The following DPYSL3 variants were observed in gnomAD, a reference collection of about 807,000 sequenced individuals.
The protein encoded by DPYSL3 is dihydropyrimidinase like 3.
In DPYSL3, 16 loss-of-function variants were observed where a neutral mutation model predicts 66.1. That is an observed-to-expected ratio of 0.24 (90% CI 0.16 to 0.37). The LOEUF is 0.37. Ranked by LOEUF, DPYSL3 falls within the 10% of genes least tolerant of loss-of-function variation. DPYSL3 has a pLI of 1.00. For missense variants in DPYSL3, 738 were observed against 916.2 expected (o/e 0.81, Z 2.51); for synonymous variants, 338 against 345.1 (o/e 0.98, Z 0.23).
chr5:147,453,847 GTTT>G, intron 1 of DPYSL3: 1 of 733,780 alleles, frequency 1.4e-6, no homozygotes, highest in Non-Finnish European at 1.8e-6. Context: ...CCCGGGTTTT[GTTT>G]TTTTTTTTCT....
intron 1 of DPYSL3, among the ~76,000 whole-genome samples, chr5:147,457,895 G>T (rs140986223): frequency 1.4e-4 from 22 of 152,270 alleles, no homozygotes; most frequent in African/African-American, 5.1e-4. Flanking sequence ...CCAGTAGCTG[G>T]GTATATTTCC....
intron 9 of DPYSL3, 143 bp from the exon 10 acceptor site, chr5:147,400,976 A>G: frequency 1.8e-6 from 2 of 1,116,620 alleles, no homozygotes; most frequent in Non-Finnish European, 2.4e-6. Flanking sequence ...TAGATATATG[A>G]GCTTGGATGA....
intron 1 of DPYSL3, among the ~76,000 whole-genome samples, chr5:147,427,425 GGTT>G: frequency 6.6e-6 from 1 of 152,312 alleles, no homozygotes; most frequent in South Asian, 2.1e-4. Context: ...GGACACAGGA[GGTT>G]GTATTATATC....
chr5:147,437,970 T>C (rs938423391), intron 1 of DPYSL3, among the ~76,000 whole-genome samples: 2 of 152,194 alleles, frequency 1.3e-5, no homozygotes, highest in Non-Finnish European at 1.5e-5. Flanking sequence ...CCCTGAAAAG[T>C]AACTTGACTT....
chr5:147,473,504 A>G lies in DPYSL3; in HGVS notation c.381+35974T>C, dbSNP rs1483697756. On this transcript the variant is annotated intron_variant, in intron 1 of 13. Coordinates refer to ENST00000343218, the MANE Select transcript of DPYSL3 (RefSeq NM_001197294.2). Reference sequence around the variant, plus strand: ...TTGAAGAAGAAAGAGAAAGAATATAAAGATTAATCCACAGGTGAATAAACT... The same window carrying G: ...TTGAAGAAGAAAGAGAAAGAATATAGAGATTAATCCACAGGTGAATAAACT... Among the ~76,000 whole-genome samples, 4 of 152,196 alleles carry G rather than the reference A, an allele frequency of 2.6e-5. No homozygotes were observed. The South Asian group carries it at 8.3e-4, about 31-fold the overall frequency.
intron 1 of DPYSL3, among the ~76,000 whole-genome samples, chr5:147,433,242 A>C (rs1181550656): frequency 2.0e-5 from 3 of 152,188 alleles, no homozygotes; most frequent in Non-Finnish European, 4.4e-5. Flanking sequence ...GGGACCACCC[A>C]CATCAGGCAG....
rs367740149 is a variant in DPYSL3 at position 147,399,031 on chromosome 5, T to C, written c.1623+51A>G. 90 of 1,592,354 alleles carry C rather than the reference T, an allele frequency of 5.7e-5. 1 individual carries two copies. The African/African-American group carries it at 1.0e-3, about 18-fold the overall frequency. On this transcript the variant is annotated intron_variant, in intron 11 of 13. Transcript: ENST00000343218. ...ATAAACACATTTCTCCTGACCAAGT[T>C]CCTTGCATGCATTCTCCATTCTACT... is the stretch of plus-strand genomic sequence containing the variant.
At chr5:147,459,774 T>C (rs1303121492) in intron 1 of DPYSL3, among the ~76,000 whole-genome samples, 1 of 152,216 alleles carries the variant, frequency 6.6e-6, no homozygotes, top group East Asian at 1.9e-4. Context: ...CATCCAGCTC[T>C]GATGGCAACT....
At chr5:147,453,788 C>G (rs1199247825) in intron 1 of DPYSL3, 4 of 1,279,788 alleles carry the variant, frequency 3.1e-6, no homozygotes, top group African/African-American at 3.1e-5. Context: ...CCCCGGTCCC[C>G]CTTTCACCCC....
intron 1 of DPYSL3, among the ~76,000 whole-genome samples, chr5:147,475,241 C>T (rs1207641488): frequency 6.6e-6 from 1 of 152,064 alleles, no homozygotes; most frequent in Non-Finnish European, 1.5e-5. Context: ...AAGGCCCTGC[C>T]ACCTACCTAA....
At chr5:147,507,637 CA>C (rs546863020) in intron 1 of DPYSL3, among the ~76,000 whole-genome samples, 36 of 152,226 alleles carry the variant, frequency 2.4e-4, no homozygotes, top group African/African-American at 8.4e-4. Context: ...GTGATTCAAC[CA>C]AATTAGAGAT....
At chr5:147,427,239 T>C (rs1002029734) in intron 1 of DPYSL3, among the ~76,000 whole-genome samples, 7 of 152,230 alleles carry the variant, frequency 4.6e-5, no homozygotes, top group Non-Finnish European at 1.0e-4. Context: ...GCAAGTTAGT[T>C]GGAAAAATAA....
chr5:147,442,134 C>T (rs998158518), intron 1 of DPYSL3, among the ~76,000 whole-genome samples: 4 of 152,182 alleles, frequency 2.6e-5, no homozygotes, highest in African/African-American at 9.7e-5. Context: ...ATAAAGGTCT[C>T]CTTGAAAGAA....
At chr5:147,395,486 C>G in intron 13 of DPYSL3, 73 bp downstream of exon 13, 1 of 1,523,432 alleles carries the variant, frequency 6.6e-7, no homozygotes, top group Non-Finnish European at 8.9e-7. Flanking sequence ...TTCTGAGGAA[C>G]ACCCTGTGGC....
At chr5:147,445,380 G>C (rs1752612438) in intron 1 of DPYSL3, among the ~76,000 whole-genome samples, 1 of 152,182 alleles carries the variant, frequency 6.6e-6, no homozygotes, top group Non-Finnish European at 1.5e-5. Flanking sequence ...GCCTTATTTA[G>C]AAGTTAATAT....
chr5:147,395,653 G>A lies in DPYSL3; in HGVS notation c.1872C>T (p.Pro624=), dbSNP rs1348023166. 2 of 1,614,082 alleles carry A rather than the reference G, an allele frequency of 1.2e-6. No homozygotes were observed. Among genetic ancestry groups the A allele is most frequent in the African/African-American group, 1.3e-5 (1 of 75,026 alleles). Residue 624 remains proline (P), a synonymous_variant, in exon 13 of 14, where the codon CCC becomes CCT. Transcript: ENST00000343218. ...CAGAGCCTGCGGGGGTGCCACCTTTGGGGGTGGTGGTCAGGTCAAACACAG... is the reference window on the plus strand; with the variant it reads ...CAGAGCCTGCGGGGGTGCCACCTTTAGGGGTGGTGGTCAGGTCAAACACAG... ...DGPVFDLTTT[P]KGGTPAGSAR... is the part of the protein sequence containing the mutation.
At chr5:147,459,824 C>T (rs530448338) in intron 1 of DPYSL3, among the ~76,000 whole-genome samples, 1 of 152,104 alleles carries the variant, frequency 6.6e-6, no homozygotes, top group South Asian at 2.1e-4. Context: ...GATCAGGTTG[C>T]GAGAGGCCGG....
At chr5:147,496,170 T>C (rs1415810581) in intron 1 of DPYSL3, among the ~76,000 whole-genome samples, 2 of 152,110 alleles carry the variant, frequency 1.3e-5, no homozygotes, top group Non-Finnish European at 2.9e-5. Context: ...ATTTAATAAA[T>C]GGTGCTGGGA....
At chr5:147,407,787 A>G (rs1751738448) in intron 7 of DPYSL3, among the ~76,000 whole-genome samples, 1 of 152,172 alleles carries the variant, frequency 6.6e-6, no homozygotes, top group Non-Finnish European at 1.5e-5. Context: ...AATTATTTAA[A>G]TGGCAATAAA....
Sources: allele counts gnomAD v4.1 joint callset (sites outside exome capture counted in the v4.1 genomes callset), GRCh38; gene constraint gnomAD v4.1.1; transcripts MANE v1.5; gene names NCBI Gene and HGNC (gene_info 2026-07-23, HGNC 2026-07-21).